Variants in SNX12 observed in about 807,000 individuals in gnomAD.
The protein encoded by SNX12 is sorting nexin-12.
For synonymous variants in SNX12, 47 were observed against 56.0 expected (o/e 0.84, Z 0.71); for missense variants, 62 against 141.3 (o/e 0.44, Z 2.84).
At chrX:71,066,161 A>C (rs1257967899) in intron 1 of SNX12, among the ~76,000 whole-genome samples, 1 of 112,364 alleles carries the variant, frequency 8.9e-6, no homozygotes, top group Non-Finnish European at 1.9e-5. Context: ...TACTTGGGCA[A>C]GTTACTTAAA....
chrX:71,068,757 G>C (rs1444769028), upstream of SNX12, among the ~76,000 whole-genome samples: 1 of 112,150 alleles, frequency 8.9e-6, no homozygotes, highest in South Asian at 3.7e-4. Context: ...GGTTTTCCGC[G>C]AAAATAGAAG....
At chrX:71,064,941 G>A (rs188122375) in intron 1 of SNX12, among the ~76,000 whole-genome samples, 24 of 112,730 alleles carry the variant, frequency 2.1e-4, no homozygotes, top group Admixed American at 5.7e-4. Flanking sequence ...TTCTCAAATA[G>A]GCCATCAAAA....
upstream of SNX12, among the ~76,000 whole-genome samples, chrX:71,071,574 A>ATATATAAATATATAATATTTATATATAT (rs2092172643): frequency 6.5e-5 from 2 of 30,624 alleles, no homozygotes; most frequent in African/African-American, 2.0e-4. Context: ...TTTATATATT[A>ATATATAAATATATAATATTTATATATAT]TATATATAAA....
chrX:71,065,525 C>A (rs1340653559), intron 1 of SNX12, among the ~76,000 whole-genome samples: 3 of 106,619 alleles, frequency 2.8e-5, no homozygotes, highest in African/African-American at 1.0e-4. Context: ...AAAAATTAGG[C>A]CGGGCATGGT....
chrX:71,067,907 T>C (rs915874835), intron 1 of SNX12, among the ~76,000 whole-genome samples: 1 of 110,724 alleles, frequency 9.0e-6, no homozygotes, highest in Non-Finnish European at 1.9e-5. Context: ...CATGCTTCAC[T>C]TCCTCATGGG....
At chrX:71,069,221 T>C (rs1414032512), upstream of SNX12, among the ~76,000 whole-genome samples, 1 of 112,136 alleles carries the variant, frequency 8.9e-6, no homozygotes, top group Non-Finnish European at 1.9e-5. Flanking sequence ...TTTCAGGTCA[T>C]CCTTTCTCCA....
chrX:71,066,129 C>T (rs2092152269), intron 1 of SNX12, among the ~76,000 whole-genome samples: 1 of 112,509 alleles, frequency 8.9e-6, no homozygotes, highest in African/African-American at 3.2e-5. Context: ...CAAATTCCAG[C>T]CCTGTCAGTT....
upstream of SNX12, among the ~76,000 whole-genome samples, chrX:71,068,858 C>T (rs756577401): frequency 1.2e-4 from 13 of 111,945 alleles, no homozygotes; most frequent in East Asian, 1.1e-3. Context: ...TCAGTTCACG[C>T]CACACACAAT....
At chrX:71,068,093 T>A in intron 1 of SNX12, 49 bp downstream of exon 1, 87 of 560,702 alleles carry the variant, frequency 1.6e-4, no homozygotes, top group East Asian at 2.6e-4. Flanking sequence ...CCCCTCCCGC[T>A]CGCGCCGCCC....
chrX:71,067,418 T>G (rs896184741), intron 1 of SNX12, among the ~76,000 whole-genome samples: 1 of 111,873 alleles, frequency 8.9e-6, no homozygotes, highest in Non-Finnish European at 1.9e-5. Flanking sequence ...ATCTAAAGGA[T>G]CCACATAGAA....
chrX:71,063,126 T>C (rs1224918057), intron 1 of SNX12, among the ~76,000 whole-genome samples, 177 bp from the exon 2 acceptor site: 1 of 111,765 alleles, frequency 8.9e-6, no homozygotes, highest in Admixed American at 9.5e-5. Flanking sequence ...AACCTTATCA[T>C]AGCTGATGAT....
chrX:71,068,587 G>A (rs1010751448), upstream of SNX12: 2 of 221,436 alleles, frequency 9.0e-6, no homozygotes, highest in East Asian at 8.2e-5. Flanking sequence ...CCAATACGCA[G>A]TACCCAATAC....
intron 2 of SNX12, 106 bp downstream of exon 2, chrX:71,062,748 T>C: frequency 3.9e-6 from 2 of 515,902 alleles, no homozygotes; most frequent in Non-Finnish European, 6.9e-6. Context: ...AAGAATGTGT[T>C]CACCCTCTTC....
intron 1 of SNX12, among the ~76,000 whole-genome samples, chrX:71,063,484 G>A (rs1480466847): frequency 9.6e-6 from 1 of 104,060 alleles, no homozygotes; most frequent in Non-Finnish European, 2.0e-5. Flanking sequence ...GAGACAGAGT[G>A]AGATTCTGTC....
Position 71,059,906 on chromosome X carries a change from C to T in SNX12, c.*1110G>A, listed in dbSNP as rs1024033379. The T allele has an allele frequency of 2.7e-5, 3 of 111,902 alleles. No individual in the cohort carries two copies. Among genetic ancestry groups the T allele is most frequent in the African/African-American group, 9.7e-5 (3 of 30,812 alleles). The allele number at this position is 111,902 out of a possible 1,213,427, so 9.2% of individuals were successfully genotyped here. On this transcript the variant is annotated 3_prime_UTR_variant, in exon 4 of 4. Coordinates refer to ENST00000374274, the MANE Select transcript of SNX12 (RefSeq NM_013346.4). Reference sequence around the variant, plus strand: ...ACTTCTGGGGAAAATGCTGGAGTTGCATGAGAAACAAGTGCAGGCAGTTCA... The same window carrying T: ...ACTTCTGGGGAAAATGCTGGAGTTGTATGAGAAACAAGTGCAGGCAGTTCA...
chrX:71,067,797 C>T (rs2092158979), intron 1 of SNX12, among the ~76,000 whole-genome samples: 2 of 111,197 alleles, frequency 1.8e-5, no homozygotes, highest in African/African-American at 6.5e-5. Flanking sequence ...CCCCAGCCCT[C>T]TTCCATCCTC....
At chrX:71,061,606 G>A (rs186793626) in intron 3 of SNX12, among the ~76,000 whole-genome samples, 22 of 111,446 alleles carry the variant, frequency 2.0e-4, no homozygotes, top group East Asian at 1.1e-3. Flanking sequence ...GGTGGCCGGC[G>A]CCTGTAATCC....
At chrX:71,066,689 C>T (rs1243230658) in intron 1 of SNX12, among the ~76,000 whole-genome samples, 1 of 109,990 alleles carries the variant, frequency 9.1e-6, no homozygotes, top group African/African-American at 3.3e-5. Flanking sequence ...TCTCCAAAAC[C>T]CCACAGCAGA....
chrX:71,064,246 C>T (rs185156331), intron 1 of SNX12, among the ~76,000 whole-genome samples: 38 of 111,688 alleles, frequency 3.4e-4, no homozygotes, highest in Admixed American at 3.1e-3. Context: ...TGTCCAAATC[C>T]TCTCCATTCT....
Sources: allele counts gnomAD v4.1 joint callset (sites outside exome capture counted in the v4.1 genomes callset), GRCh38; gene constraint gnomAD v4.1.1; transcripts MANE v1.5; gene names NCBI Gene and HGNC (gene_info 2026-07-23, HGNC 2026-07-21).